PLXDC1: variants seen among roughly 807,000 people sequenced by gnomAD.
PLXDC1 encodes the protein plexin domain containing 1, also known as plexin domain-containing protein 1.
Under a neutral mutation model 61.3 loss-of-function variants are expected in PLXDC1, and 39 were observed. The observed-to-expected ratio is 0.64, with a 90% confidence interval of 0.49 to 0.83. The LOEUF is 0.83. PLXDC1 is among the 40% of genes least tolerant of loss of function. The pLI is 0.00. For synonymous variants in PLXDC1, 212 were observed against 254.5 expected, an observed-to-expected ratio of 0.83 and a Z score of 1.59; for missense variants, 596 against 666.5, an observed-to-expected ratio of 0.89 and a Z score of 1.17.
At chr17:39,128,095 G>GTGTGTATATATA (rs1911378308) in intron 2 of PLXDC1, among the ~76,000 whole-genome samples, 5 of 47,802 alleles carry the variant, frequency 1.0e-4, no homozygotes, top group Non-Finnish European at 2.1e-4. Context: ...CTCTCTCTAT[G>GTGTGTATATATA]TGTATATATA....
intron 4 of PLXDC1, 30 bp from the exon 5 acceptor site, chr17:39,108,275 C>A: frequency 6.2e-7 from 1 of 1,612,584 alleles, no homozygotes; most frequent in Non-Finnish European, 8.5e-7. Flanking sequence ...GAGGAGTCAC[C>A]AGAAATGGCC....
chr17:39,149,763 C>A (rs141323370), intron 1 of PLXDC1, among the ~76,000 whole-genome samples: 17 of 152,276 alleles, frequency 1.1e-4, no homozygotes, highest in African/African-American at 1.7e-4. Context: ...CCCAATTCCC[C>A]CTTCCCCAGC....
chr17:39,096,714 C>T (rs1031236911), intron 7 of PLXDC1, among the ~76,000 whole-genome samples: 1 of 152,234 alleles, frequency 6.6e-6, no homozygotes, highest in African/African-American at 2.4e-5. Context: ...GTAAGAAAAT[C>T]CTCACTAACT....
At chr17:39,130,094 G>A (rs34395390) in intron 2 of PLXDC1, among the ~76,000 whole-genome samples, 28,883 of 152,118 alleles carry the variant, frequency 0.19, 2,821 homozygotes, top group Middle Eastern at 0.33. Flanking sequence ...GTTGCCAGGG[G>A]TTGGGGTGGA....
At chr17:39,077,251 G>A (rs1909375636) in intron 11 of PLXDC1, among the ~76,000 whole-genome samples, 1 of 152,022 alleles carries the variant, frequency 6.6e-6, no homozygotes, top group African/African-American at 2.4e-5. Context: ...TGGGAGAAAG[G>A]GAAGAGATTT....
chr17:39,106,199 C>T (rs971238329), intron 6 of PLXDC1, among the ~76,000 whole-genome samples: 1 of 152,076 alleles, frequency 6.6e-6, no homozygotes. Flanking sequence ...GGGACATACC[C>T]TTTTCCCTTC....
At chr17:39,078,393 C>CA (rs1909425587) in intron 10 of PLXDC1, among the ~76,000 whole-genome samples, 1 of 151,918 alleles carries the variant, frequency 6.6e-6, no homozygotes, top group Admixed American at 6.6e-5. Flanking sequence ...CTTCTCTGAG[C>CA]CCCAGTTTTC....
chr17:39,080,008 C>T (rs1909493324), intron 9 of PLXDC1: 1 of 171,110 alleles, frequency 5.8e-6, no homozygotes, highest in African/African-American at 2.4e-5. Context: ...GCTCCTCCTG[C>T]AGCAGGGATG....
intron 1 of PLXDC1, among the ~76,000 whole-genome samples, chr17:39,148,890 A>T (rs1334472965): frequency 6.6e-6 from 1 of 152,000 alleles, no homozygotes; most frequent in Non-Finnish European, 1.5e-5. Flanking sequence ...AGACGGGGAA[A>T]CCTTCCTCAG....
intron 2 of PLXDC1, among the ~76,000 whole-genome samples, chr17:39,128,117 A>ATATATGTATG (rs1555573192): frequency 2.1e-5 from 2 of 96,426 alleles, no homozygotes; most frequent in East Asian, 3.5e-4. Context: ...ATATATATGT[A>ATATATGTATG]TATATATATG....
chr17:39,142,750 C>A (rs1456504090), intron 1 of PLXDC1, among the ~76,000 whole-genome samples: 1 of 152,200 alleles, frequency 6.6e-6, no homozygotes, highest in African/African-American at 2.4e-5. Flanking sequence ...CCTACACTGG[C>A]CTTGAACTCC....
chr17:39,096,900 C>T (rs953268712), intron 7 of PLXDC1: 4 of 471,132 alleles, frequency 8.5e-6, no homozygotes, highest in African/African-American at 8.0e-5. Flanking sequence ...TTGAGTGCCT[C>T]TGCAAACAGA....
intron 2 of PLXDC1, among the ~76,000 whole-genome samples, chr17:39,129,703 AGAAAGAAG>A (rs1371222779): frequency 1.3e-5 from 2 of 150,116 alleles, no homozygotes; most frequent in South Asian, 2.1e-4. Flanking sequence ...AAAGAAAGAA[AGAAAGAAG>A]GAAAGAAAGA....
chr17:39,103,673 C>T (rs1910499594), intron 7 of PLXDC1, among the ~76,000 whole-genome samples: 1 of 151,850 alleles, frequency 6.6e-6, no homozygotes, highest in Non-Finnish European at 1.5e-5. Context: ...TGGTGAAACC[C>T]TGTCTTTACT....
chr17:39,132,941 A>G (rs1911612704), intron 2 of PLXDC1, among the ~76,000 whole-genome samples: 1 of 152,160 alleles, frequency 6.6e-6, no homozygotes, highest in Non-Finnish European at 1.5e-5. Context: ...CCAGATGAAC[A>G]GAGGAAGTGT....
chr17:39,145,433 G>A (rs2045333831), intron 1 of PLXDC1, among the ~76,000 whole-genome samples: 1 of 152,180 alleles, frequency 6.6e-6, no homozygotes, highest in African/African-American at 2.4e-5. Flanking sequence ...TCCCAGCCCT[G>A]GGCCACCCCA....
At chr17:39,095,209 G>A (rs1019104696) in intron 7 of PLXDC1, among the ~76,000 whole-genome samples, 2 of 151,876 alleles carry the variant, frequency 1.3e-5, no homozygotes, top group East Asian at 1.9e-4. Flanking sequence ...CCAGCGGAGT[G>A]GGGGAGGCTG....
At chr17:39,074,558 T>C (rs1180834025) in intron 11 of PLXDC1, among the ~76,000 whole-genome samples, 1 of 152,168 alleles carries the variant, frequency 6.6e-6, no homozygotes, top group Non-Finnish European at 1.5e-5. Context: ...GCTACCTCTG[T>C]AGGACAGAGG....
rs148226547 is a variant in PLXDC1 at position 39,065,151 on chromosome 17, C to T, written c.*2689G>A. On this transcript the variant is annotated 3_prime_UTR_variant, in exon 14 of 14. Transcript: ENST00000315392. ...CAGAGAAAGTTCCAGATGCCTCGGC[C>T]TCAGTCAAAGCAAGCCTGGCTGACC... 2,333 of 152,302 alleles carry T rather than the reference C, an allele frequency of 0.015. 27 individuals carry two copies. Among genetic ancestry groups the T allele is most frequent in the Non-Finnish European group, 0.023 (1,561 of 68,044 alleles). 9.4% of individuals were successfully genotyped at this position (152,302 alleles called of 1,614,324 possible).
Sources: allele counts gnomAD v4.1 joint callset (sites outside exome capture counted in the v4.1 genomes callset), GRCh38; gene constraint gnomAD v4.1.1; transcripts MANE v1.5; gene names NCBI Gene and HGNC (gene_info 2026-07-23, HGNC 2026-07-21).